The following ARHGAP10 variants were observed in gnomAD, a reference collection of about 807,000 sequenced individuals.
ARHGAP10 encodes the protein rho GTPase-activating protein 10.
A neutral mutation model predicts 108.6 loss-of-function variants in ARHGAP10; 87 were observed. The observed-to-expected ratio is 0.80, with a 90% CI of 0.67 to 0.96. The LOEUF is 0.96. ARHGAP10 is among the 40% of genes least tolerant of loss of function. ARHGAP10 has a pLI of 0.00. For synonymous variants in ARHGAP10, 347 were observed against 341.1 expected (o/e 1.02, Z -0.19); for missense variants, 939 against 954.5 (o/e 0.98, Z 0.21).
chr4:147,881,614 G>A (rs545575925), intron 9 of ARHGAP10, among the ~76,000 whole-genome samples: 148 of 152,304 alleles, frequency 9.7e-4, no homozygotes, highest in Middle Eastern at 6.8e-3. Flanking sequence ...CTCCAGCCTG[G>A]GTGAAAGAGC....
At chr4:147,877,014 C>T (rs934989589) in intron 8 of ARHGAP10, among the ~76,000 whole-genome samples, 1 of 152,102 alleles carries the variant, frequency 6.6e-6, no homozygotes, top group Non-Finnish European at 1.5e-5. Context: ...CTTGAACAGG[C>T]GTGAAAGAGC....
intron 13 of ARHGAP10, among the ~76,000 whole-genome samples, chr4:147,921,394 C>T (rs1471551299): frequency 6.6e-6 from 1 of 152,180 alleles, no homozygotes; most frequent in Non-Finnish European, 1.5e-5. Flanking sequence ...GATTGGGTCT[C>T]TCTGCTTTAG....
At chr4:147,882,264 C>CTCATA (rs1735356926) in intron 10 of ARHGAP10, among the ~76,000 whole-genome samples, 1 of 152,036 alleles carries the variant, frequency 6.6e-6, no homozygotes, top group Non-Finnish European at 1.5e-5. Context: ...AGTTCAAGAC[C>CTCATA]ATCCAGGCCA....
intron 18 of ARHGAP10, among the ~76,000 whole-genome samples, chr4:148,022,796 A>T (rs1741617216): frequency 6.6e-6 from 1 of 152,254 alleles, no homozygotes. Flanking sequence ...TCATAAGCAT[A>T]GGCTATTTTT....
chr4:147,891,297 T>C (rs1735786354), intron 10 of ARHGAP10, among the ~76,000 whole-genome samples: 1 of 152,178 alleles, frequency 6.6e-6, no homozygotes, highest in East Asian at 1.9e-4. Context: ...GAATACATGC[T>C]ACTGTATGAA....
intron 4 of ARHGAP10, among the ~76,000 whole-genome samples, chr4:147,856,802 G>GT (rs918860252): frequency 1.3e-5 from 2 of 151,954 alleles, no homozygotes; most frequent in Admixed American, 6.6e-5. Flanking sequence ...TTCCCAAGAT[G>GT]TTTTTTTTCC....
intron 19 of ARHGAP10, among the ~76,000 whole-genome samples, chr4:148,036,792 G>A (rs1346997077): frequency 6.6e-6 from 1 of 152,164 alleles, no homozygotes; most frequent in East Asian, 1.9e-4. Context: ...TTTTGGACCT[G>A]ACTTTGACCC....
chr4:147,887,889 A>G (rs1448355987), intron 10 of ARHGAP10, among the ~76,000 whole-genome samples: 1 of 144,680 alleles, frequency 6.9e-6, no homozygotes, highest in Non-Finnish European at 1.5e-5. Context: ...TTTTTTTCCT[A>G]TTTCTTCCCT....
intron 5 of ARHGAP10, chr4:147,860,943 G>C (rs570181965): frequency 5.9e-5 from 9 of 152,356 alleles, no homozygotes; most frequent in Admixed American, 5.2e-4. Flanking sequence ...GACGTCCATG[G>C]CATTCTTGTA....
intron 19 of ARHGAP10, among the ~76,000 whole-genome samples, chr4:148,045,738 CAAAAAAAAAAAAA>C (rs11363800): frequency 3.5e-5 from 2 of 57,520 alleles, no homozygotes; most frequent in South Asian, 1.2e-3. Context: ...AACTCCATCT[CAAAAAAAAAAAAA>C]AAAAAAAAAA....
chr4:148,035,353 T>C (rs1366280237), intron 19 of ARHGAP10, among the ~76,000 whole-genome samples: 1 of 152,156 alleles, frequency 6.6e-6, no homozygotes, highest in Admixed American at 6.5e-5. Flanking sequence ...AGTTCAGGAG[T>C]TGCCTTTTTA....
At chr4:147,871,246 C>A (rs1021601826) in intron 7 of ARHGAP10, among the ~76,000 whole-genome samples, 2 of 152,074 alleles carry the variant, frequency 1.3e-5, no homozygotes, top group African/African-American at 4.8e-5. Flanking sequence ...GTGTGAGCCA[C>A]CACGTCCGGC....
intron 10 of ARHGAP10, among the ~76,000 whole-genome samples, chr4:147,896,682 T>C (rs1736004317): frequency 6.6e-6 from 1 of 152,134 alleles, no homozygotes; most frequent in South Asian, 2.1e-4. Flanking sequence ...ATTTAATTTT[T>C]CTTTTCATTC....
intron 13 of ARHGAP10, among the ~76,000 whole-genome samples, chr4:147,914,513 A>G (rs528502274): frequency 1.2e-4 from 18 of 147,524 alleles, no homozygotes; most frequent in African/African-American, 5.0e-5. Flanking sequence ...ATGAGCCACC[A>G]TGCTTGTCCC....
At chr4:147,850,840 T>G (rs1483264629) in intron 4 of ARHGAP10, among the ~76,000 whole-genome samples, 1 of 152,206 alleles carries the variant, frequency 6.6e-6, no homozygotes, top group African/African-American at 2.4e-5. Context: ...TCACCCTTTT[T>G]GAGCTTGGCA....
intron 15 of ARHGAP10, among the ~76,000 whole-genome samples, chr4:147,948,952 C>T (rs546630155): frequency 2.2e-4 from 32 of 147,368 alleles, no homozygotes; most frequent in African/African-American, 4.8e-4. Context: ...GGAGACAGAG[C>T]GAGACTCTGT....
intron 18 of ARHGAP10, among the ~76,000 whole-genome samples, chr4:147,986,966 G>A (rs1740067435): frequency 6.6e-6 from 1 of 152,156 alleles, no homozygotes; most frequent in Non-Finnish European, 1.5e-5. Flanking sequence ...AAAACCTTTT[G>A]TCTTCATTGT....
intron 3 of ARHGAP10, among the ~76,000 whole-genome samples, chr4:147,840,616 A>T (rs1265920377): frequency 6.6e-6 from 1 of 152,296 alleles, no homozygotes; most frequent in Non-Finnish European, 1.5e-5. Flanking sequence ...TTGTGGCTCC[A>T]TTGGCTTATG....
At chr4:148,007,902 G>C (rs116045846) in intron 18 of ARHGAP10, among the ~76,000 whole-genome samples, 6 of 152,076 alleles carry the variant, frequency 3.9e-5, no homozygotes, top group Admixed American at 3.3e-4. Context: ...CACAGTCTTC[G>C]GAGACACTTC....
Sources: allele counts gnomAD v4.1 joint callset (sites outside exome capture counted in the v4.1 genomes callset), GRCh38; gene constraint gnomAD v4.1.1; transcripts MANE v1.5; gene names NCBI Gene and HGNC (gene_info 2026-07-23, HGNC 2026-07-21).